The following NHS variants were observed in gnomAD, a reference collection of about 807,000 sequenced individuals.
The protein encoded by NHS is actin remodeling regulator NHS.
A neutral mutation model predicts 72.5 loss-of-function variants in NHS; 5 were observed. The observed-to-expected ratio is 0.07, with a 90% confidence interval of 0.04 to 0.14. The LOEUF is 0.14. Ranked by LOEUF, NHS falls within the 10% of genes least tolerant of loss-of-function variation. NHS has a pLI of 1.00. For missense variants in NHS, 1,072 were observed against 1,355.7 expected (o/e 0.79, Z 3.29); for synonymous variants, 464 against 547.7 (o/e 0.85, Z 2.13).
Position 17,687,894 on chromosome X carries a change from G to C in NHS, c.718G>C (p.Glu240Gln). The C allele has an allele frequency of 8.3e-7, 1 of 1,210,472 alleles. No homozygotes were observed. Among genetic ancestry groups the C allele is most frequent in the Non-Finnish European group, 1.1e-6 (1 of 894,742 alleles). Residue 240 changes from glutamate to glutamine, a missense_variant and splice_region_variant, in exon 2 of 9, where the codon GAA (glutamate) becomes CAA (glutamine). Glu to Gln is a conservative substitution (Grantham distance 29, BLOSUM62 2). Coordinates refer to ENST00000676302, the MANE Select transcript of NHS (RefSeq NM_001291867.2). Reference protein sequence around the residue: ...ARQSLQALRREHRSRSDRREQ... With the variant: ...ARQSLQALRRQHRSRSDRREQ... ...GCAGAGCCTGCAAGCCCTGCGCAGAGGTGACAGATCCTGGGCTTGGGGGCT... is the reference window on the plus strand; with the variant it reads ...GCAGAGCCTGCAAGCCCTGCGCAGACGTGACAGATCCTGGGCTTGGGGGCT...
At chrX:17,610,642 A>C (rs2065706515) in intron 1 of NHS, among the ~76,000 whole-genome samples, 1 of 112,290 alleles carries the variant, frequency 8.9e-6, no homozygotes, top group African/African-American at 3.2e-5. Flanking sequence ...TCCTGTTTCA[A>C]CTACAGAGAT....
intron 1 of NHS, among the ~76,000 whole-genome samples, chrX:17,411,899 G>A (rs946468459): frequency 1.2e-4 from 13 of 111,291 alleles, no homozygotes; most frequent in African/African-American, 4.2e-4. Context: ...GTAAGTGATT[G>A]TTTTATCCAG....
chrX:17,575,125 T>C (rs1345275217), intron 1 of NHS, among the ~76,000 whole-genome samples: 1 of 112,644 alleles, frequency 8.9e-6, no homozygotes, highest in Admixed American at 9.3e-5. Flanking sequence ...CCTCCCTACG[T>C]CCACTAGTGT....
intron 1 of NHS, among the ~76,000 whole-genome samples, chrX:17,518,484 C>T (rs759216112): frequency 8.9e-6 from 1 of 111,922 alleles, no homozygotes; most frequent in Admixed American, 9.5e-5. Flanking sequence ...TCCAGTTGAT[C>T]TACCAGAGTT....
At chrX:17,663,393 C>T (rs1227937574) in intron 1 of NHS, among the ~76,000 whole-genome samples, 1 of 111,776 alleles carries the variant, frequency 8.9e-6, no homozygotes, top group Non-Finnish European at 1.9e-5. Flanking sequence ...TCCAGTCTCT[C>T]TCCCACACCT....
At chrX:17,729,767 C>T (rs1236511110) in intron 8 of NHS, among the ~76,000 whole-genome samples, 1 of 112,287 alleles carries the variant, frequency 8.9e-6, no homozygotes, top group African/African-American at 3.2e-5. Flanking sequence ...GCCATGCCTC[C>T]TCCTTTCACA....
chrX:17,638,315 A>G (rs2065861400), intron 1 of NHS, among the ~76,000 whole-genome samples: 1 of 112,337 alleles, frequency 8.9e-6, no homozygotes, highest in African/African-American at 3.2e-5. Context: ...CATTTTGTCA[A>G]TTTTACTGAT....
intron 1 of NHS, among the ~76,000 whole-genome samples, chrX:17,446,478 C>G (rs1256397464): frequency 3.7e-5 from 4 of 109,466 alleles, no homozygotes; most frequent in Non-Finnish European, 5.7e-5. Context: ...GGCTCAAAAG[C>G]TCCCCTACTG....
intron 1 of NHS, among the ~76,000 whole-genome samples, chrX:17,420,691 C>T (rs112843754): frequency 0.082 from 9,149 of 111,515 alleles, 947 homozygotes; most frequent in African/African-American, 0.28. Flanking sequence ...CAAAGTAGTT[C>T]CTGTCTTCTT....
chrX:17,514,731 G>A (rs1328296879), intron 1 of NHS, among the ~76,000 whole-genome samples: 1 of 111,852 alleles, frequency 8.9e-6, no homozygotes, highest in Admixed American at 9.5e-5. Flanking sequence ...AAGTGCACAG[G>A]ACAGCCCCCA....
At chrX:17,717,435 T>C (rs976331110) in intron 3 of NHS, among the ~76,000 whole-genome samples, 1 of 112,469 alleles carries the variant, frequency 8.9e-6, no homozygotes, top group Non-Finnish European at 1.9e-5. Context: ...ACAAATGAAA[T>C]AGACACATCC....
chrX:17,705,809 A>T (rs750360686), intron 3 of NHS: 1 of 112,323 alleles, frequency 8.9e-6, no homozygotes, highest in East Asian at 2.8e-4. Context: ...GTCAAAAAAT[A>T]TGTTGCCTCA....
At chrX:17,447,683 G>T (rs1346456129) in intron 1 of NHS, among the ~76,000 whole-genome samples, 4 of 109,206 alleles carry the variant, frequency 3.7e-5, no homozygotes, top group Non-Finnish European at 7.6e-5. Flanking sequence ...ACATTTGCTG[G>T]CTAGCACTTT....
intron 1 of NHS, among the ~76,000 whole-genome samples, chrX:17,604,744 T>C (rs1173867434): frequency 8.9e-6 from 1 of 112,487 alleles, no homozygotes; most frequent in Admixed American, 9.4e-5. Flanking sequence ...CATGAATGAA[T>C]GCTTCCTCTA....
chrX:17,403,724 C>A (rs1451857132), intron 1 of NHS, among the ~76,000 whole-genome samples: 2 of 112,076 alleles, frequency 1.8e-5, no homozygotes, highest in African/African-American at 6.5e-5. Context: ...AAGACTCTGT[C>A]CCCTTTTAAG....
intron 1 of NHS, among the ~76,000 whole-genome samples, chrX:17,619,874 C>T (rs987133253): frequency 2.7e-5 from 3 of 111,610 alleles, no homozygotes; most frequent in Non-Finnish European, 3.8e-5. Flanking sequence ...GCACCTACAG[C>T]GACTTCTTAC....
intron 1 of NHS, among the ~76,000 whole-genome samples, chrX:17,392,175 C>G (rs1181263776): frequency 8.9e-6 from 1 of 111,877 alleles, no homozygotes; most frequent in Non-Finnish European, 1.9e-5. Context: ...TTTGTTTCTT[C>G]CCCACTCTGC....
chrX:17,439,575 T>C (rs1185606634), intron 1 of NHS, among the ~76,000 whole-genome samples: 2 of 112,337 alleles, frequency 1.8e-5, no homozygotes, highest in East Asian at 2.8e-4. Context: ...CTCAACGTTA[T>C]GTATGGAGAT....
At chrX:17,569,556 T>G (rs1261519634) in intron 1 of NHS, among the ~76,000 whole-genome samples, 5 of 112,219 alleles carry the variant, frequency 4.5e-5, no homozygotes, top group African/African-American at 1.3e-4. Context: ...TCTTTGTAGA[T>G]TCTGGATATT....
Sources: allele counts gnomAD v4.1 joint callset (sites outside exome capture counted in the v4.1 genomes callset), GRCh38; gene constraint gnomAD v4.1.1; transcripts MANE v1.5; gene names NCBI Gene and HGNC (gene_info 2026-07-23, HGNC 2026-07-21).